Variants in ZNF831 observed in about 807,000 individuals in gnomAD.
ZNF831 encodes chromosome 20 open reading frame 174.
ZNF831 carries 59 observed loss-of-function variants against 95.8 expected under a neutral mutation model. The observed-to-expected ratio is 0.62, with a 90% confidence interval of 0.50 to 0.77. The LOEUF (loss-of-function observed/expected upper bound fraction) is 0.77. Among genes scored for constraint, ZNF831 ranks in the 30% least tolerant of loss-of-function variants. ZNF831 has a pLI of 0.00. For synonymous variants in ZNF831, 961 were observed against 925.5 expected (o/e 1.04, Z -0.70); for missense variants, 2,205 against 2,164.0 (o/e 1.02, Z -0.38).
intron 3 of ZNF831, 148 bp from the exon 4 acceptor site, chr20:59,206,757 A>G (rs916964180): frequency 2.3e-5 from 18 of 793,188 alleles, no homozygotes; most frequent in Non-Finnish European, 3.3e-5. Flanking sequence ...GGGATGAGGT[A>G]TGGAGGGATC....
chr20:59,190,836 C>G, intron 1 of ZNF831, 148 bp from the exon 2 acceptor site: 1 of 631,718 alleles, frequency 1.6e-6, no homozygotes, highest in Non-Finnish European at 2.3e-6. Context: ...GATGAGAGTA[C>G]CTTCCTCTCG....
At chr20:59,248,286 G>A (rs554232243) in intron 4 of ZNF831, among the ~76,000 whole-genome samples, 1 of 152,342 alleles carries the variant, frequency 6.6e-6, no homozygotes, top group African/African-American at 2.4e-5. Flanking sequence ...AGCCTCAATG[G>A]AATCACATTC....
chr20:59,150,575 C>A (rs990984512), intron 2 of ZNF831, among the ~76,000 whole-genome samples: 1 of 152,048 alleles, frequency 6.6e-6, no homozygotes, highest in Non-Finnish European at 1.5e-5. Flanking sequence ...CATAGGGGAC[C>A]CACCGTATGA....
At chr20:59,196,164 C>A (rs1451937431) in intron 3 of ZNF831, among the ~76,000 whole-genome samples, 159 bp downstream of exon 3, 1 of 152,210 alleles carries the variant, frequency 6.6e-6, no homozygotes, top group Non-Finnish European at 1.5e-5. Flanking sequence ...CCCCTTGCAA[C>A]TCACCGCCTG....
intron 3 of ZNF831, among the ~76,000 whole-genome samples, chr20:59,206,131 T>A (rs1251055803): frequency 6.6e-6 from 1 of 152,222 alleles, no homozygotes; most frequent in Non-Finnish European, 1.5e-5. Flanking sequence ...AATCAGATGA[T>A]CTGGTAGGGC....
intron 1 of ZNF831, among the ~76,000 whole-genome samples, chr20:59,142,565 A>G (rs1568723399): frequency 6.6e-6 from 1 of 152,236 alleles, no homozygotes; most frequent in Non-Finnish European, 1.5e-5. Context: ...ATAACAACAC[A>G]TCACAGAATC....
chr20:59,253,859 T>TTCCCCCC, intron 5 of ZNF831, 39 bp from the exon 6 acceptor site: 1 of 915,766 alleles, frequency 1.1e-6, no homozygotes, highest in Non-Finnish European at 1.4e-6. Flanking sequence ...CCAATTAACC[T>TTCCCCCC]CCCCCCCCAC....
chr20:59,124,315 AG>A (rs1979097822), intron 1 of ZNF831, among the ~76,000 whole-genome samples: 1 of 152,156 alleles, frequency 6.6e-6, no homozygotes, highest in South Asian at 2.1e-4. Context: ...ATATTACCAT[AG>A]GCTGGCTGGA....
rs182365465 is a variant in ZNF831 at position 59,152,498 on chromosome 20, G to A, written c.-1281+6124G>A. ...CCTTTGGTTTGATTGGAGGGTGCAC[G>A]CATCCATCCGTGCATGCCGGGGCAG... On this transcript the variant is annotated intron_variant, in intron 2 of 7. Coordinates refer to the ZNF831 transcript ENST00000637017. 5.3e-5 allele frequency among the ~76,000 whole-genome samples: 8 copies of A among 152,318 alleles called. No individual in the cohort carries two copies. The East Asian group carries it at 5.8e-4, about 11-fold the overall frequency.
intron 2 of ZNF831, among the ~76,000 whole-genome samples, chr20:59,154,255 C>T (rs1397362800): frequency 1.3e-5 from 2 of 152,138 alleles, no homozygotes; most frequent in Non-Finnish European, 2.9e-5. Flanking sequence ...GAAAGACATA[C>T]ATGCAGAGAC....
Position 59,232,161 on chromosome 20 carries a change from C to G in ZNF831, c.4028-20817C>G, listed in dbSNP as rs574473664. 1.9e-4 allele frequency among the ~76,000 whole-genome samples: 29 copies of G among 152,338 alleles called. No individual in the cohort carries two copies. In the South Asian group the frequency reaches 5.8e-3, roughly 30 times the overall value. On this transcript the variant is annotated intron_variant, in intron 4 of 5. Coordinates refer to ENST00000371030, the MANE Select transcript of ZNF831 (RefSeq NM_178457.3). ...GCTCTCACTTTCCGTTACAGCAACA[C>G]TCCCTGCTGAAACAGGGCTGAAATG... is the stretch of plus-strand genomic sequence containing the variant.
Position 59,177,757 on chromosome 20 carries a change from T to C in ZNF831, c.-36-13227T>C, listed in dbSNP as rs531170812. On this transcript the variant is annotated intron_variant, in intron 1 of 5. Coordinates refer to ENST00000371030, the MANE Select transcript of ZNF831 (RefSeq NM_178457.3). Reference sequence around the variant, plus strand: ...ATCCTCCTGGGAGCTCATCTGGGCTTGTTCTCATGGCAGAAGCAGAGCAGA... The same window carrying C: ...ATCCTCCTGGGAGCTCATCTGGGCTCGTTCTCATGGCAGAAGCAGAGCAGA... Among the ~76,000 whole-genome samples the C allele has an allele frequency of 1.6e-4, 25 of 152,284 alleles. No individual in the cohort carries two copies. In the South Asian group the frequency reaches 1.7e-3, roughly 10 times the overall value.
chr20:59,138,314 G>C (rs1324733538), intron 1 of ZNF831, among the ~76,000 whole-genome samples: 1 of 151,932 alleles, frequency 6.6e-6, no homozygotes, highest in Admixed American at 6.6e-5. Context: ...CTGGGCTTTA[G>C]GATGGGTCTC....
Position 59,192,805 on chromosome 20 carries a change from A to G in ZNF831, c.1786A>G (p.Met596Val), listed in dbSNP as rs1461079548. 3 of 1,611,936 alleles carry G rather than the reference A, an allele frequency of 1.9e-6. No individual in the cohort carries two copies. The Admixed American group carries it at 5.0e-5, about 27-fold the overall frequency. The change falls in exon 2 of 6, where the codon ATG becomes GTG. Residue 596 changes from methionine (M) to valine (V), a missense_variant. Transcript: ENST00000371030. This position sits in a 1 kb window ranked among gnomAD's most constrained non-coding sequence, Gnocchi z 5.2. ...DAKRTAAREA[M>V]AGKGRAGGRK... ...AAAGAGAACTGCTGCGCGGGAGGCC[A>G]TGGCCGGCAAGGGCAGAGCGGGCGG... is the stretch of plus-strand genomic sequence containing the variant.
intron 3 of ZNF831, among the ~76,000 whole-genome samples, chr20:59,204,399 G>A (rs1054807702): frequency 3.3e-5 from 5 of 152,172 alleles, no homozygotes; most frequent in Non-Finnish European, 4.4e-5. Flanking sequence ...TGCTGCATGT[G>A]ACCCCCACCA....
At chr20:59,130,637 G>A (rs570161031) in intron 1 of ZNF831, among the ~76,000 whole-genome samples, 41 of 152,320 alleles carry the variant, frequency 2.7e-4, no homozygotes, top group Admixed American at 1.7e-3. Flanking sequence ...GTCTGGTGGC[G>A]CTTGATGGTG....
chr20:59,180,749 C>T (rs1332899933), intron 1 of ZNF831, among the ~76,000 whole-genome samples: 2 of 152,152 alleles, frequency 1.3e-5, no homozygotes, highest in Admixed American at 6.5e-5. Context: ...GTATATGTGC[C>T]ACATTTTCTT....
intron 3 of ZNF831, among the ~76,000 whole-genome samples, chr20:59,196,946 T>TC (rs1304656341): frequency 6.6e-6 from 1 of 151,634 alleles, no homozygotes; most frequent in East Asian, 1.9e-4. Context: ...CCAGCTATTT[T>TC]TTTTTTTTTT....
intron 1 of ZNF831, among the ~76,000 whole-genome samples, chr20:59,171,604 TGA>T (rs746658643): frequency 5.3e-4 from 81 of 152,378 alleles, no homozygotes; most frequent in Non-Finnish European, 1.0e-3. Flanking sequence ...AAGCTCTCAC[TGA>T]ATATTCTGTT....
Sources: allele counts gnomAD v4.1 joint callset (sites outside exome capture counted in the v4.1 genomes callset), GRCh38; gene constraint gnomAD v4.1.1; non-coding constraint Gnocchi (gnomAD v3.1); transcripts MANE v1.5; gene names NCBI Gene and HGNC (gene_info 2026-07-23, HGNC 2026-07-21).